Variants in GALNT17 observed in about 807,000 individuals in gnomAD.
The protein encoded by GALNT17 is polypeptide N-acetylgalactosaminyltransferase 17.
Under a neutral mutation model 63.7 loss-of-function variants are expected in GALNT17, and 29 were observed. That is an observed-to-expected ratio of 0.46 (90% CI 0.34 to 0.62). GALNT17 has a LOEUF of 0.62. GALNT17 is among the 20% of genes least tolerant of loss of function. GALNT17 has a pLI of 0.01. For synonymous variants in GALNT17, 305 were observed against 318.3 expected, an observed-to-expected ratio of 0.96 and a Z score of 0.45; for missense variants, 603 against 799.6, an observed-to-expected ratio of 0.75 and a Z score of 2.97.
At chr7:71,329,983 G>A (rs11767580) in intron 1 of GALNT17, among the ~76,000 whole-genome samples, 3 of 21,278 alleles carry the variant, frequency 1.4e-4, no homozygotes, top group Non-Finnish European at 2.9e-4. Flanking sequence ...ATATGTGTGT[G>A]TGTATATATA....
At chr7:71,250,345 T>C (rs1790174849) in intron 1 of GALNT17, among the ~76,000 whole-genome samples, 1 of 152,212 alleles carries the variant, frequency 6.6e-6, no homozygotes, top group South Asian at 2.1e-4. Flanking sequence ...TCTTAAGTTT[T>C]TTGACACAAG....
At chr7:71,151,887 G>A (rs779761829) in intron 1 of GALNT17, among the ~76,000 whole-genome samples, 7 of 152,158 alleles carry the variant, frequency 4.6e-5, no homozygotes, top group South Asian at 2.1e-4. Flanking sequence ...TTAAGCATTA[G>A]CAATTAAAAA....
intron 9 of GALNT17, among the ~76,000 whole-genome samples, chr7:71,699,342 G>A (rs1791594489): frequency 6.6e-6 from 1 of 151,718 alleles, no homozygotes; most frequent in Admixed American, 6.6e-5. Context: ...GCCTGGCATG[G>A]TGGTGCACCT....
At chr7:71,148,604 A>G (rs913613600) in intron 1 of GALNT17, among the ~76,000 whole-genome samples, 19 of 152,110 alleles carry the variant, frequency 1.2e-4, no homozygotes, top group African/African-American at 4.3e-4. Flanking sequence ...ATTAAAATTT[A>G]GCAAGATTCT....
intron 5 of GALNT17, among the ~76,000 whole-genome samples, chr7:71,436,254 T>C (rs1786961717): frequency 6.6e-6 from 1 of 152,170 alleles, no homozygotes; most frequent in East Asian, 1.9e-4. Flanking sequence ...GATGAGAGGA[T>C]TGCTTAAGCT....
At chr7:71,507,862 C>T (rs1788292247) in intron 5 of GALNT17, among the ~76,000 whole-genome samples, 2 of 152,126 alleles carry the variant, frequency 1.3e-5, no homozygotes, top group Admixed American at 1.3e-4. Flanking sequence ...TTTCAAGTTC[C>T]CCACGCCTCA....
At chr7:71,521,401 C>CA (rs1275666198) in intron 5 of GALNT17, among the ~76,000 whole-genome samples, 4 of 152,292 alleles carry the variant, frequency 2.6e-5, no homozygotes, top group Admixed American at 6.5e-5. Flanking sequence ...CCCTTTCCTT[C>CA]ATCTACCATT....
At chr7:71,557,971 G>A (rs1789192320) in intron 5 of GALNT17, among the ~76,000 whole-genome samples, 1 of 152,042 alleles carries the variant, frequency 6.6e-6, no homozygotes, top group Admixed American at 6.6e-5. Context: ...CCACTCAGGA[G>A]GCTGAGGCAG....
At chr7:71,271,998 G>A (rs552192126) in intron 1 of GALNT17, among the ~76,000 whole-genome samples, 107 of 152,252 alleles carry the variant, frequency 7.0e-4, no homozygotes, top group African/African-American at 2.4e-3. Context: ...GGCTCAAGCA[G>A]TCCTCCTGCC....
intron 2 of GALNT17, among the ~76,000 whole-genome samples, chr7:71,352,640 G>C (rs1792210479): frequency 6.6e-6 from 1 of 152,146 alleles, no homozygotes. Context: ...TTGGGAGATA[G>C]ACCTTTGAAG....
At chr7:71,288,215 CAAAAAAAA>C (rs59555320) in intron 1 of GALNT17, among the ~76,000 whole-genome samples, 19 of 83,838 alleles carry the variant, frequency 2.3e-4, no homozygotes, top group African/African-American at 9.1e-4. Context: ...GACTCCATCT[CAAAAAAAA>C]AAAAAAAAAA....
intron 1 of GALNT17, among the ~76,000 whole-genome samples, chr7:71,320,384 A>G (rs1403714011): frequency 6.7e-6 from 1 of 150,332 alleles, no homozygotes; most frequent in Non-Finnish European, 1.5e-5. Flanking sequence ...CTACAGGTGC[A>G]TGTTGCTGTG....
chr7:71,179,791 C>A (rs937034896), intron 1 of GALNT17, among the ~76,000 whole-genome samples: 2 of 152,202 alleles, frequency 1.3e-5, no homozygotes, highest in African/African-American at 4.8e-5. Flanking sequence ...GACTGCTACA[C>A]ACTCAGAAAT....
At chr7:71,602,643 A>G (rs1158798306) in intron 6 of GALNT17, among the ~76,000 whole-genome samples, 1 of 152,148 alleles carries the variant, frequency 6.6e-6, no homozygotes. Flanking sequence ...GCCTGTAGCC[A>G]TGTGGCAGGG....
chr7:71,310,685 G>A (rs147593421), intron 1 of GALNT17, among the ~76,000 whole-genome samples: 25 of 152,298 alleles, frequency 1.6e-4, no homozygotes, highest in African/African-American at 5.5e-4. Flanking sequence ...ATAGAAAAGG[G>A]CAGTCCTTTT....
Position 71,437,142 on chromosome 7 carries a change from G to A in GALNT17, c.962+16037G>A, listed in dbSNP as rs191092609. Among the ~76,000 whole-genome samples the A allele has an allele frequency of 3.3e-5, 5 of 152,258 alleles. No individual in the cohort carries two copies. The East Asian group carries it at 7.7e-4, about 24-fold the overall frequency. On this transcript the variant is annotated intron_variant, in intron 5 of 10. Coordinates refer to ENST00000333538, the MANE Select transcript of GALNT17 (RefSeq NM_022479.3). ...GAGTAGAGAGCAATCATGCAACCAC[G>A]GATGGTCAAAGGTTAGTCTTAGGAC...
At chr7:71,334,601 G>A (rs1001789217) in intron 1 of GALNT17, among the ~76,000 whole-genome samples, 1 of 152,240 alleles carries the variant, frequency 6.6e-6, no homozygotes, top group Non-Finnish European at 1.5e-5. Flanking sequence ...TTTAAAAATT[G>A]CCCATCAAGC....
At chr7:71,604,999 A>G (rs1001090814) in intron 6 of GALNT17, among the ~76,000 whole-genome samples, 7 of 152,176 alleles carry the variant, frequency 4.6e-5, no homozygotes, top group African/African-American at 9.7e-5. Flanking sequence ...CTGAAATCGT[A>G]TCACATTGTG....
chr7:71,710,645 G>A (rs897052232), intron 9 of GALNT17, 116 bp from the exon 10 acceptor site: 2 of 1,196,788 alleles, frequency 1.7e-6, no homozygotes, highest in African/African-American at 3.0e-5. Context: ...ATGGTGGCCA[G>A]GACTGCAGTA....
Sources: allele counts gnomAD v4.1 joint callset (sites outside exome capture counted in the v4.1 genomes callset), GRCh38; gene constraint gnomAD v4.1.1; transcripts MANE v1.5; gene names NCBI Gene and HGNC (gene_info 2026-07-23, HGNC 2026-07-21).